The following ROR2 variants were observed in gnomAD, a reference collection of about 807,000 sequenced individuals.
The protein encoded by ROR2 is tyrosine-protein kinase transmembrane receptor ROR2.
Under a neutral mutation model 74.9 loss-of-function variants are expected in ROR2, and 33 were observed. That is an observed-to-expected ratio of 0.44 (90% CI 0.33 to 0.59). ROR2 has a LOEUF of 0.59. ROR2 is among the 20% of genes least tolerant of loss of function. The probability of loss-of-function intolerance (pLI) is 0.02; values close to 1 mark genes in which losing one functional copy is unlikely to be tolerated. For missense variants in ROR2, 1,216 were observed against 1,313.8 expected, an observed-to-expected ratio of 0.93 and a Z score of 1.15; for synonymous variants, 586 against 558.7, an observed-to-expected ratio of 1.05 and a Z score of -0.69.
At chr9:91,749,063 C>A (rs1306863402) in intron 4 of ROR2, among the ~76,000 whole-genome samples, 4 of 152,080 alleles carry the variant, frequency 2.6e-5, no homozygotes, top group Non-Finnish European at 5.9e-5. Flanking sequence ...AGCACACAGA[C>A]AACTTAAAGA....
intron 1 of ROR2, among the ~76,000 whole-genome samples, chr9:91,898,119 C>T (rs966946398): frequency 3.3e-5 from 5 of 152,190 alleles, no homozygotes; most frequent in African/African-American, 1.2e-4. Context: ...CCCTCATGGT[C>T]ACCGGTTCTG....
At chr9:91,871,528 A>T (rs549168679) in intron 1 of ROR2, among the ~76,000 whole-genome samples, 47 of 152,298 alleles carry the variant, frequency 3.1e-4, no homozygotes, top group African/African-American at 1.0e-3. Context: ...TGTATTTTCC[A>T]AAGAAGGCTA....
At chr9:91,845,072 A>G (rs1490906489) in intron 1 of ROR2, among the ~76,000 whole-genome samples, 2 of 152,182 alleles carry the variant, frequency 1.3e-5, no homozygotes, top group Non-Finnish European at 1.5e-5. Context: ...GGGGAGGGGC[A>G]GTTTTGTATT....
In ROR2 at chr9:91,724,186, T is replaced by G; in HGVS notation, c.2308A>C (p.Thr770Pro). The change falls in exon 9 of 9, where the codon ACC becomes CCC. Residue 770 changes from threonine to proline, a missense_variant. Coordinates refer to ENST00000375708, the MANE Select transcript of ROR2 (RefSeq NM_004560.4). ...QTSGASNTTQTSSLSTSPVSN... is the reference protein window; with the variant it reads ...QTSGASNTTQPSSLSTSPVSN... ...ACTGGGCTGGTGCTCAGGGAGCTGG[T>G]CTGCGTGGTGTTGCTGGCCCCCGAG... is the stretch of plus-strand genomic sequence containing the variant. 6.2e-7 allele frequency: 1 copy of G among 1,612,852 alleles called. No homozygotes were observed. Among genetic ancestry groups the G allele is most frequent in the Non-Finnish European group, 8.5e-7 (1 of 1,180,016 alleles).
chr9:91,864,642 T>A (rs1016580354), intron 1 of ROR2, among the ~76,000 whole-genome samples: 3 of 152,180 alleles, frequency 2.0e-5, no homozygotes. Flanking sequence ...ACCCACTCTC[T>A]CCTTCCATAT....
chr9:91,775,872 T>C, intron 1 of ROR2, 54 bp from the exon 2 acceptor site: 1 of 1,482,378 alleles, frequency 6.7e-7, no homozygotes. Flanking sequence ...TCAGGAGCCT[T>C]TAATTTGCTT....
intron 1 of ROR2, among the ~76,000 whole-genome samples, chr9:91,948,441 A>C (rs1017652293): frequency 1.1e-4 from 17 of 152,348 alleles, no homozygotes; most frequent in Middle Eastern, 3.4e-3. Flanking sequence ...AATGTGGTCT[A>C]CTTATTTTAT....
At chr9:91,863,920 T>C (rs1345534088) in intron 1 of ROR2, among the ~76,000 whole-genome samples, 1 of 152,168 alleles carries the variant, frequency 6.6e-6, no homozygotes, top group African/African-American at 2.4e-5. Flanking sequence ...TCTCAAAGTG[T>C]AAATATAAAA....
chr9:91,948,451 TTG>T (rs1394413774), intron 1 of ROR2, among the ~76,000 whole-genome samples: 1 of 152,252 alleles, frequency 6.6e-6, no homozygotes, highest in Non-Finnish European at 1.5e-5. Context: ...ACTTATTTTA[TTG>T]TGCACTCTGA....
chr9:91,946,380 G>A (rs565191572), intron 1 of ROR2, among the ~76,000 whole-genome samples: 3 of 152,342 alleles, frequency 2.0e-5, no homozygotes, highest in East Asian at 3.9e-4. Flanking sequence ...CCCCAAGGAG[G>A]CACCTCAAGG....
intron 1 of ROR2, among the ~76,000 whole-genome samples, chr9:91,859,769 G>A (rs908508522): frequency 6.6e-6 from 1 of 152,192 alleles, no homozygotes; most frequent in Non-Finnish European, 1.5e-5. Flanking sequence ...AGCTTGCAGT[G>A]AGCTGAGATC....
chr9:91,796,895 G>A (rs1827199038), intron 1 of ROR2, among the ~76,000 whole-genome samples: 1 of 120,072 alleles, frequency 8.3e-6, no homozygotes, highest in African/African-American at 3.7e-5. Flanking sequence ...GACACCCTGG[G>A]ATCTGTGGAT....
At chr9:91,949,290 A>G (rs1367873825) in intron 1 of ROR2, among the ~76,000 whole-genome samples, 3 of 150,972 alleles carry the variant, frequency 2.0e-5, no homozygotes, top group African/African-American at 7.3e-5. Context: ...GTTTCCATCA[A>G]GCGGCCCGCG....
At chr9:91,909,863 T>G (rs1488402698) in intron 1 of ROR2, among the ~76,000 whole-genome samples, 10 of 129,500 alleles carry the variant, frequency 7.7e-5, no homozygotes, top group South Asian at 2.8e-4. Context: ...TTTTTTTTTT[T>G]TTTTTTTTAG....
intron 1 of ROR2, among the ~76,000 whole-genome samples, chr9:91,949,621 C>T (rs1329573956): frequency 6.6e-6 from 1 of 152,104 alleles, no homozygotes; most frequent in African/African-American, 2.4e-5. Flanking sequence ...CCAGCCGCCG[C>T]CGCCCGCCCC....
chr9:91,841,271 CG>C (rs1828774673), intron 1 of ROR2, among the ~76,000 whole-genome samples: 1 of 152,230 alleles, frequency 6.6e-6, no homozygotes, highest in African/African-American at 2.4e-5. Context: ...CATGAGTCCA[CG>C]GAAAACTCAA....
At chr9:91,912,472 ATACCG>A (rs1198927168) in intron 1 of ROR2, among the ~76,000 whole-genome samples, 7 of 152,328 alleles carry the variant, frequency 4.6e-5, no homozygotes, top group African/African-American at 1.7e-4. Context: ...AGATATCAAA[ATACCG>A]TATGTGCTCC....
intron 1 of ROR2, among the ~76,000 whole-genome samples, chr9:91,914,196 G>A (rs1587843112): frequency 6.6e-6 from 1 of 152,218 alleles, no homozygotes; most frequent in South Asian, 2.1e-4. Context: ...GTACAAAGGC[G>A]CTTCCCTTCG....
chr9:91,728,067 T>C (rs1229675367), intron 7 of ROR2, among the ~76,000 whole-genome samples: 2 of 152,152 alleles, frequency 1.3e-5, no homozygotes, highest in African/African-American at 4.8e-5. Context: ...TTTTCATTAT[T>C]AAGGTTAGCA....
Sources: allele counts gnomAD v4.1 joint callset (sites outside exome capture counted in the v4.1 genomes callset), GRCh38; gene constraint gnomAD v4.1.1; transcripts MANE v1.5; gene names NCBI Gene and HGNC (gene_info 2026-07-23, HGNC 2026-07-21).